EPHX4: variants seen among roughly 807,000 people sequenced by gnomAD.
The protein encoded by EPHX4 is abhydrolase domain containing 7.
EPHX4 carries 31 observed loss-of-function variants against 44.9 expected under a neutral mutation model. The observed-to-expected ratio is 0.69, with a 90% CI of 0.52 to 0.93. The LOEUF (loss-of-function observed/expected upper bound fraction) is 0.93. Among genes scored for constraint, EPHX4 ranks in the 40% least tolerant of loss-of-function variants. The pLI is 0.00. For synonymous variants in EPHX4, 151 were observed against 159.7 expected (o/e 0.95, Z 0.41); for missense variants, 373 against 438.1 (o/e 0.85, Z 1.33).
chr1:92,047,399 CAAA>C (rs572683255), intron 4 of EPHX4, among the ~76,000 whole-genome samples: 1 of 111,354 alleles, frequency 9.0e-6, no homozygotes, highest in African/African-American at 3.3e-5. Flanking sequence ...GACCCTGTCT[CAAA>C]AAAAAAAAAA....
At chr1:92,044,443 G>A (rs1188777623) in intron 3 of EPHX4, among the ~76,000 whole-genome samples, 1 of 152,180 alleles carries the variant, frequency 6.6e-6, no homozygotes, top group African/African-American at 2.4e-5. Context: ...AGTGAGGAGT[G>A]ATGGTGAGAA....
At chr1:92,053,833 T>C (rs1278524235) in intron 6 of EPHX4, among the ~76,000 whole-genome samples, 1 of 152,152 alleles carries the variant, frequency 6.6e-6, no homozygotes, top group African/African-American at 2.4e-5. Flanking sequence ...TTAGGCTAGT[T>C]GACTTTTGGG....
chr1:92,057,683 T>G (rs994009660), intron 6 of EPHX4, among the ~76,000 whole-genome samples: 1 of 151,872 alleles, frequency 6.6e-6, no homozygotes, highest in Non-Finnish European at 1.5e-5. Context: ...CACTGCAACC[T>G]CTGCCTCCCA....
rs532927913 is a variant in EPHX4 at position 92,032,512 on chromosome 1, G to C, written c.239G>C (p.Gly80Ala). 4 of 1,613,486 alleles carry C rather than the reference G, an allele frequency of 2.5e-6. No homozygotes were observed. The highest frequency in any genetic ancestry group is 2.2e-5 in the South Asian group (2 of 91,048). ...THCYVRIKDS[G>A]LRFHYVAAGE... ...CATGCCCTCTACTTTCAGGATTCAG[G>C]GTTAAGATTTCACTATGTTGCTGCT... Residue 80 changes from glycine (G) to alanine (A), a missense_variant, in exon 2 of 7, where the codon GGG becomes GCG. Gly to Ala is a moderately conservative substitution (Grantham distance 60). Coordinates refer to ENST00000370383, the MANE Select transcript of EPHX4 (RefSeq NM_173567.5).
chr1:92,059,355 T>A (rs895783083), intron 6 of EPHX4, among the ~76,000 whole-genome samples: 2 of 152,190 alleles, frequency 1.3e-5, no homozygotes, highest in African/African-American at 4.8e-5. Context: ...GAGAATCGCT[T>A]GAACCCAGGA....
At chr1:92,043,007 CTT>C (rs1257637027) in intron 3 of EPHX4, 27 bp downstream of exon 3, 1 of 1,534,126 alleles carries the variant, frequency 6.5e-7, no homozygotes, top group Non-Finnish European at 8.9e-7. Flanking sequence ...CAAAACAACT[CTT>C]TTTAAGGGAC....
At chr1:92,058,789 A>C (rs1258091783) in intron 6 of EPHX4, among the ~76,000 whole-genome samples, 1 of 152,156 alleles carries the variant, frequency 6.6e-6, no homozygotes, top group African/African-American at 2.4e-5. Context: ...AGGAGATACA[A>C]AACCTCTATT....
Position 92,050,286 on chromosome 1 carries a change from G to A in EPHX4, c.605-31G>A, listed in dbSNP as rs758052041. 134 of 1,371,470 alleles carry A rather than the reference G, an allele frequency of 9.8e-5. 3 individuals are homozygous for A. In the Middle Eastern group the frequency reaches 1.2e-3, roughly 13 times the overall value. 85.0% of individuals were successfully genotyped at this position (1,371,470 alleles called of 1,614,324 possible). Reference sequence around the variant, plus strand: ...AACAGTAAGTAATTTATACCCCTTGGATAAGGTCTAACATGGCATTTTAAT... The same window carrying A: ...AACAGTAAGTAATTTATACCCCTTGAATAAGGTCTAACATGGCATTTTAAT... On this transcript the variant is annotated intron_variant, in intron 4 of 6. Transcript: ENST00000370383.
intron 2 of EPHX4, among the ~76,000 whole-genome samples, chr1:92,041,224 G>C (rs2101868748): frequency 6.6e-6 from 1 of 152,112 alleles, no homozygotes; most frequent in East Asian, 1.9e-4. Context: ...GGTCAGTGCT[G>C]GTGCCATTTT....
Position 92,049,357 on chromosome 1 carries a change from G to C in EPHX4, c.605-960G>C, listed in dbSNP as rs114407879. 3.1e-3 allele frequency among the ~76,000 whole-genome samples: 473 copies of C among 152,158 alleles called. 3 individuals are homozygous for C. Among genetic ancestry groups the C allele is most frequent in the African/African-American group, 0.011 (458 of 41,522 alleles). On this transcript the variant is annotated intron_variant, in intron 4 of 6. Coordinates refer to ENST00000370383, the MANE Select transcript of EPHX4 (RefSeq NM_173567.5). ...TCTTGACTACTTCTACTATGTAGCA[G>C]TCCCTCCACTCCACCCTACCATCAC...
intron 2 of EPHX4, among the ~76,000 whole-genome samples, chr1:92,038,700 T>C (rs1688472647): frequency 6.6e-6 from 1 of 152,004 alleles, no homozygotes; most frequent in South Asian, 2.1e-4. Flanking sequence ...ATGAGTTAAT[T>C]GAGGGGTGAG....
chr1:92,049,446 A>G (rs144727783), intron 4 of EPHX4, among the ~76,000 whole-genome samples: 2 of 152,276 alleles, frequency 1.3e-5, no homozygotes, highest in African/African-American at 4.8e-5. Flanking sequence ...GTGATCTTGT[A>G]AGCATTTGGA....
chr1:92,050,501 T>G, intron 5 of EPHX4, 81 bp downstream of exon 5: 1 of 788,552 alleles, frequency 1.3e-6, no homozygotes, highest in Non-Finnish European at 1.9e-6. Context: ...TTAAGAAGAA[T>G]AATGAAAAAT....
intron 6 of EPHX4, among the ~76,000 whole-genome samples, chr1:92,056,077 G>T (rs1404099824): frequency 6.6e-6 from 1 of 152,216 alleles, no homozygotes; most frequent in Non-Finnish European, 1.5e-5. Context: ...AAAAGATGGA[G>T]TTTTAAACTA....
Position 92,030,174 on chromosome 1 carries a change from C to T in EPHX4, c.95C>T (p.Ala32Val), listed in dbSNP as rs1557880119. 4 of 1,612,268 alleles carry T rather than the reference C, an allele frequency of 2.5e-6. No homozygotes were observed. In the Admixed American group the frequency reaches 5.0e-5, roughly 20 times the overall value. The change falls in exon 1 of 7, where the codon GCC becomes GTC. Residue 32 changes from alanine to valine, a missense_variant. Physicochemically the swap from Ala to Val is moderately conservative, Grantham distance 64. Transcript: ENST00000370383. ...SLVYCYCGLC[A>V]SIHLLKLLWS... is the part of the protein sequence containing the mutation. ...GTCTACTGCTACTGCGGGCTCTGCG[C>T]CTCCATCCACCTGCTCAAACTTTTG...
chr1:92,032,446 A>G, intron 1 of EPHX4, 59 bp from the exon 2 acceptor site: 5 of 1,279,436 alleles, frequency 3.9e-6, no homozygotes, highest in Non-Finnish European at 5.7e-6. Flanking sequence ...GAAATGCTAA[A>G]TATATTGCTT....
At chr1:92,045,795 T>A (rs1688573889) in intron 4 of EPHX4, 135 bp downstream of exon 4, 3 of 941,754 alleles carry the variant, frequency 3.2e-6, no homozygotes, top group African/African-American at 3.4e-5. Flanking sequence ...TGATAGCACA[T>A]GACAGTGTCA....
intron 2 of EPHX4, among the ~76,000 whole-genome samples, chr1:92,041,509 A>G (rs1223140471): frequency 1.3e-5 from 2 of 152,172 alleles, no homozygotes; most frequent in Non-Finnish European, 1.5e-5. Context: ...AATTTTTTCA[A>G]TCAGAGAATC....
intron 6 of EPHX4, among the ~76,000 whole-genome samples, chr1:92,061,186 A>G (rs901912411): frequency 6.6e-6 from 1 of 152,036 alleles, no homozygotes; most frequent in Non-Finnish European, 1.5e-5. Context: ...TAAAGTTTGT[A>G]TTCTAACCCA....
Sources: gnomAD v4.1 joint callset for allele counts (sites outside exome capture counted in the v4.1 genomes callset) on GRCh38, gnomAD v4.1.1 for gene constraint, MANE v1.5 for transcripts, NCBI Gene and HGNC (gene_info 2026-07-23, HGNC 2026-07-21) for gene names.